PPP3CA: variants seen among roughly 807,000 people sequenced by gnomAD.
PPP3CA encodes CAM-PRP catalytic subunit.
Under a neutral mutation model 66.5 loss-of-function variants are expected in PPP3CA, and 14 were observed. The ratio of observed to expected loss-of-function variants is 0.21; its 90% CI spans 0.14 to 0.33. The LOEUF (loss-of-function observed/expected upper bound fraction) is 0.33. Ranked by LOEUF, PPP3CA falls within the 10% of genes least tolerant of loss-of-function variation. PPP3CA has a pLI of 1.00. For missense variants in PPP3CA, 317 were observed against 639.5 expected, an observed-to-expected ratio of 0.50 and a Z score of 5.44; for synonymous variants, 232 against 226.2, an observed-to-expected ratio of 1.03 and a Z score of -0.23.
chr4:101,155,149 G>T (rs1723278101), intron 2 of PPP3CA, among the ~76,000 whole-genome samples: 1 of 152,064 alleles, frequency 6.6e-6, no homozygotes, highest in Non-Finnish European at 1.5e-5. Flanking sequence ...ACTGGACTTG[G>T]TATGTTAAAA....
intron 1 of PPP3CA, among the ~76,000 whole-genome samples, chr4:101,247,962 AAGAGAG>A (rs1346232687): frequency 2.6e-5 from 4 of 152,198 alleles, no homozygotes; most frequent in African/African-American, 9.6e-5. Flanking sequence ...ATATATGAGA[AAGAGAG>A]AGAGTTGAAT....
chr4:101,345,781 C>T (rs775281635), intron 1 of PPP3CA, among the ~76,000 whole-genome samples: 1 of 152,150 alleles, frequency 6.6e-6, no homozygotes, highest in Non-Finnish European at 1.5e-5. Context: ...GCATCCTTGC[C>T]AGGAGTTTAT....
At chr4:101,119,700 A>G (rs1721965167) in intron 2 of PPP3CA, among the ~76,000 whole-genome samples, 2 of 152,070 alleles carry the variant, frequency 1.3e-5, no homozygotes, top group South Asian at 4.1e-4. Context: ...GCAAGGAATG[A>G]CATTTAATTC....
chr4:101,154,953 A>C (rs1409621276), intron 2 of PPP3CA, among the ~76,000 whole-genome samples: 1 of 151,286 alleles, frequency 6.6e-6, no homozygotes, highest in East Asian at 2.0e-4. Context: ...AGTAGCTGGG[A>C]CTACAGGTGC....
chr4:101,234,001 G>C (rs1726046489), intron 1 of PPP3CA, among the ~76,000 whole-genome samples: 1 of 151,612 alleles, frequency 6.6e-6, no homozygotes, highest in South Asian at 2.1e-4. Context: ...GCAGTATTTG[G>C]TTTTCTGTTC....
chr4:101,263,189 A>G (rs1374228086), intron 1 of PPP3CA, among the ~76,000 whole-genome samples: 1 of 152,232 alleles, frequency 6.6e-6, no homozygotes, highest in Non-Finnish European at 1.5e-5. Flanking sequence ...AGCAGTAGCT[A>G]TTGCAGAGTA....
chr4:101,277,826 G>C (rs1303227597), intron 1 of PPP3CA, among the ~76,000 whole-genome samples: 1 of 152,110 alleles, frequency 6.6e-6, no homozygotes, highest in Non-Finnish European at 1.5e-5. Context: ...GTCTAAGAGT[G>C]TTCAGGATTC....
chr4:101,052,459 A>G (rs960602370), intron 10 of PPP3CA, among the ~76,000 whole-genome samples: 1 of 152,036 alleles, frequency 6.6e-6, no homozygotes, highest in Non-Finnish European at 1.5e-5. Flanking sequence ...TCTGTATTTT[A>G]TAAAGGGTAT....
At chr4:101,196,304 A>G (rs919733006) in intron 1 of PPP3CA, among the ~76,000 whole-genome samples, 188 bp from the exon 2 acceptor site, 3 of 152,244 alleles carry the variant, frequency 2.0e-5, no homozygotes, top group Non-Finnish European at 4.4e-5. Context: ...GATTCTAGAT[A>G]TAATGTGATT....
chr4:101,324,190 A>G (rs1729137284), intron 1 of PPP3CA, among the ~76,000 whole-genome samples: 1 of 139,946 alleles, frequency 7.1e-6, no homozygotes, highest in African/African-American at 2.6e-5. Context: ...GGAAGGAAGG[A>G]AGGAAGGAAG....
chr4:101,067,405 T>C (rs925760575), intron 8 of PPP3CA, among the ~76,000 whole-genome samples: 3 of 151,964 alleles, frequency 2.0e-5, no homozygotes, highest in South Asian at 4.2e-4. Context: ...TCCCTGTACA[T>C]AGTGAAGTCC....
intron 1 of PPP3CA, among the ~76,000 whole-genome samples, chr4:101,284,740 T>C (rs1365235959): frequency 1.3e-5 from 2 of 152,076 alleles, no homozygotes; most frequent in South Asian, 2.1e-4. Context: ...TACCCATATC[T>C]AAAAGGCACA....
At chr4:101,343,170 G>A (rs182818482) in intron 1 of PPP3CA, among the ~76,000 whole-genome samples, 1 of 152,054 alleles carries the variant, frequency 6.6e-6, no homozygotes, top group Non-Finnish European at 1.5e-5. Context: ...CATTACCATC[G>A]GTTTGAGTTA....
chr4:101,188,050 A>T (rs1724469417), intron 2 of PPP3CA, among the ~76,000 whole-genome samples: 1 of 152,164 alleles, frequency 6.6e-6, no homozygotes, highest in Non-Finnish European at 1.5e-5. Flanking sequence ...GCATACCACC[A>T]GATGGCATCT....
At chr4:101,219,300 C>T (rs113490748) in intron 1 of PPP3CA, among the ~76,000 whole-genome samples, 6 of 151,990 alleles carry the variant, frequency 3.9e-5, no homozygotes, top group African/African-American at 9.6e-5. Flanking sequence ...TCTCCCTTCA[C>T]GAAGTATTCT....
chr4:101,346,085 C>A (rs966300504), intron 1 of PPP3CA, among the ~76,000 whole-genome samples: 4 of 151,954 alleles, frequency 2.6e-5, no homozygotes, highest in Non-Finnish European at 5.9e-5. Flanking sequence ...CGGCCACCCT[C>A]CAGCCAGCGA....
At chr4:101,303,444 A>C (rs889475725) in intron 1 of PPP3CA, among the ~76,000 whole-genome samples, 1 of 152,300 alleles carries the variant, frequency 6.6e-6, no homozygotes, top group African/African-American at 2.4e-5. Flanking sequence ...ATATGTACCT[A>C]CATATCTACA....
At chr4:101,085,659 T>C (rs904670434) in intron 6 of PPP3CA, among the ~76,000 whole-genome samples, 4 of 152,194 alleles carry the variant, frequency 2.6e-5, no homozygotes, top group African/African-American at 9.6e-5. Flanking sequence ...CTCATAGATC[T>C]AGACAATACT....
At position 101,204,920 on chromosome 4, in the gene PPP3CA, A is replaced by AAT. The variant is rs917703464; in HGVS notation, c.59-8806_59-8805dup. Among the ~76,000 whole-genome samples the AAT allele has an allele frequency of 2.9e-3, 432 of 150,130 alleles. 5 individuals carry two copies. The highest frequency in any genetic ancestry group is 9.4e-3 in the African/African-American group (381 of 40,700). On this transcript the variant is annotated intron_variant, in intron 1 of 13. Transcript: ENST00000394854. Reference sequence around the variant, plus strand: ...ACAATGTTTTTTAAATTTCTTCAAAAATATATATATATTCAGGTACACCAT... The same window carrying AAT: ...ACAATGTTTTTTAAATTTCTTCAAAAATATATATATATATTCAGGTACACCAT...
Sources: gnomAD v4.1 joint callset for allele counts (sites outside exome capture counted in the v4.1 genomes callset) on GRCh38, gnomAD v4.1.1 for gene constraint, MANE v1.5 for transcripts, NCBI Gene and HGNC (gene_info 2026-07-23, HGNC 2026-07-21) for gene names.